SUSD6: variants seen among roughly 807,000 people sequenced by gnomAD.
The protein encoded by SUSD6 is sushi domain containing 6.
In SUSD6, 16 loss-of-function variants were observed where a neutral mutation model predicts 28.4. That is an observed-to-expected ratio of 0.56 (90% CI 0.38 to 0.86). SUSD6 has a LOEUF of 0.86. SUSD6 is among the 40% of genes least tolerant of loss of function. SUSD6 has a pLI of 0.00. For missense variants in SUSD6, 341 were observed against 384.2 expected (o/e 0.89, Z 0.94); for synonymous variants, 147 against 159.6 (o/e 0.92, Z 0.59).
chr14:69,624,567 C>T (rs1012411135), intron 1 of SUSD6, among the ~76,000 whole-genome samples: 3 of 152,036 alleles, frequency 2.0e-5, no homozygotes, highest in African/African-American at 7.3e-5. Context: ...ATTCTCCTAC[C>T]TCAGCCTCCC....
At chr14:69,626,042 AGCCAGTCT>A (rs1462762189) in intron 1 of SUSD6, among the ~76,000 whole-genome samples, 10 of 151,812 alleles carry the variant, frequency 6.6e-5, no homozygotes, top group African/African-American at 2.2e-4. Flanking sequence ...GTTGAGTTGA[AGCCAGTCT>A]TGGTGGGAAA....
intron 2 of SUSD6, among the ~76,000 whole-genome samples, chr14:69,661,940 T>C (rs1241371394): frequency 6.6e-6 from 1 of 152,064 alleles, no homozygotes; most frequent in Non-Finnish European, 1.5e-5. Context: ...GCTGGGACCA[T>C]AGGCATGCAC....
chr14:69,668,063 C>T (rs1429054696), intron 2 of SUSD6, among the ~76,000 whole-genome samples: 2 of 152,152 alleles, frequency 1.3e-5, no homozygotes, highest in Non-Finnish European at 2.9e-5. Flanking sequence ...GGAGCAAGTC[C>T]AGGGCCCAGT....
At chr14:69,637,192 G>T (rs28673317) in intron 1 of SUSD6, among the ~76,000 whole-genome samples, 377 of 152,128 alleles carry the variant, frequency 2.5e-3, no homozygotes, top group African/African-American at 8.7e-3. Context: ...GCTCTGTCTG[G>T]CTAATACCTT....
chr14:69,687,683 G>A (rs1025866085), intron 2 of SUSD6, among the ~76,000 whole-genome samples: 1 of 152,198 alleles, frequency 6.6e-6, no homozygotes, highest in African/African-American at 2.4e-5. Context: ...TTATAATAGA[G>A]AAAAATCTCT....
At chr14:69,655,451 AT>A (rs1006500838) in intron 1 of SUSD6, among the ~76,000 whole-genome samples, 56 of 152,170 alleles carry the variant, frequency 3.7e-4, no homozygotes, top group Admixed American at 7.2e-4. Flanking sequence ...GTATATGTGC[AT>A]TTTTTTGGAA....
chr14:69,703,563 C>G lies in SUSD6; in HGVS notation c.290C>G (p.Ala97Gly), dbSNP rs1886342938. 6.2e-7 allele frequency: 1 copy of G among 1,614,148 alleles called. No individual in the cohort carries two copies. The highest frequency in any genetic ancestry group is 2.2e-5 in the East Asian group (1 of 44,880). ...TGTAAGAATGGCGAGTGGAAACCAGCCATGGAGATTAGCTGCCGTCTCAAC... is the reference window on the plus strand; with the variant it reads ...TGTAAGAATGGCGAGTGGAAACCAGGCATGGAGATTAGCTGCCGTCTCAAC... ...LTCKNGEWKP[A>G]MEISCRLNED... Residue 97 changes from alanine to glycine, a missense_variant, in exon 3 of 6, where the codon GCC becomes GGC. Coordinates refer to ENST00000342745, the MANE Select transcript of SUSD6 (RefSeq NM_014734.4).
intron 2 of SUSD6, among the ~76,000 whole-genome samples, chr14:69,692,083 GCCTACATATCTTCTC>G (rs1171177794): frequency 2.0e-5 from 3 of 150,892 alleles, no homozygotes; most frequent in African/African-American, 2.4e-5. Flanking sequence ...AGCTGAAAAT[GCCTACATATCTTCTC>G]CCACTTGCAA....
At chr14:69,657,455 A>AC (rs1335840555) in intron 1 of SUSD6, among the ~76,000 whole-genome samples, 1 of 89,884 alleles carries the variant, frequency 1.1e-5, no homozygotes, top group African/African-American at 4.9e-5. Context: ...ACTGTGTCTC[A>AC]AAAAAAAAAC....
chr14:69,618,266 G>A (rs1050959586), intron 1 of SUSD6, among the ~76,000 whole-genome samples: 2 of 152,162 alleles, frequency 1.3e-5, no homozygotes, highest in South Asian at 2.1e-4. Context: ...TGTGTATTAC[G>A]TGTAAATGAA....
At chr14:69,646,542 C>T (rs1885428910) in intron 1 of SUSD6, among the ~76,000 whole-genome samples, 1 of 152,130 alleles carries the variant, frequency 6.6e-6, no homozygotes, top group South Asian at 2.1e-4. Flanking sequence ...AGTTATCCCT[C>T]AGGTACCCCA....
intron 2 of SUSD6, among the ~76,000 whole-genome samples, chr14:69,677,271 C>T (rs956538602): frequency 2.6e-5 from 4 of 152,162 alleles, no homozygotes; most frequent in Admixed American, 6.5e-5. Flanking sequence ...TTACGCCGGG[C>T]GTGGTGGCTT....
chr14:69,651,759 G>A (rs1885506858), intron 1 of SUSD6, among the ~76,000 whole-genome samples: 1 of 152,162 alleles, frequency 6.6e-6, no homozygotes, highest in African/African-American at 2.4e-5. Context: ...TGATACTGTA[G>A]CCTGGCCATT....
At position 69,711,047 on chromosome 14, in the gene SUSD6, A is replaced by G. The variant is rs1886455116; in HGVS notation, c.*68A>G. On this transcript the variant is annotated 3_prime_UTR_variant, in exon 6 of 6. Coordinates refer to ENST00000342745, the MANE Select transcript of SUSD6 (RefSeq NM_014734.4). ...CTTCCTCCCTCTCCCTGTGGGATTG[A>G]GCACCCTGTACTCTCCAGCCACCTT... The G allele has an allele frequency of 6.6e-7, 1 of 1,515,958 alleles. No individual in the cohort carries two copies. The highest frequency in any genetic ancestry group is 1.4e-5 in the African/African-American group (1 of 72,876). The allele number at this position is 1,515,958 out of a possible 1,614,324, so 93.9% of individuals were successfully genotyped here. A position where few individuals can be genotyped will look rare whatever the true frequency, so the allele number is the denominator to read the frequency against.
At chr14:69,668,781 C>T (rs1245271998) in intron 2 of SUSD6, among the ~76,000 whole-genome samples, 1 of 151,796 alleles carries the variant, frequency 6.6e-6, no homozygotes, top group Non-Finnish European at 1.5e-5. Flanking sequence ...TTGGGCGATC[C>T]CCTTGATGGT....
chr14:69,678,074 A>G (rs1301200378), intron 2 of SUSD6, among the ~76,000 whole-genome samples: 1 of 152,134 alleles, frequency 6.6e-6, no homozygotes, highest in Non-Finnish European at 1.5e-5. Context: ...CTGTATTCCT[A>G]AGAAATACAG....
chr14:69,637,469 G>T (rs77368111), intron 1 of SUSD6, among the ~76,000 whole-genome samples: 4,325 of 152,228 alleles, frequency 0.028, 79 homozygotes, highest in Middle Eastern at 0.068. Flanking sequence ...ACCAGGGTCA[G>T]CATACCCCAG....
At chr14:69,703,678 A>C in intron 3 of SUSD6, 86 bp downstream of exon 3, 1 of 1,291,040 alleles carries the variant, frequency 7.7e-7, no homozygotes. Context: ...CCTCCAGAGC[A>C]CTCTTTGCTG....
At position 69,661,978 on chromosome 14, in the gene SUSD6, T is replaced by A. The variant is rs912351440; in HGVS notation, c.121+3265T>A. Among the ~76,000 whole-genome samples the A allele has an allele frequency of 3.8e-4, 58 of 152,026 alleles. 1 individual carries two copies. Among genetic ancestry groups the A allele is most frequent in the South Asian group, 1.5e-3 (7 of 4,802 alleles). On this transcript the variant is annotated intron_variant, in intron 2 of 5. Coordinates refer to ENST00000342745, the MANE Select transcript of SUSD6 (RefSeq NM_014734.4). ...CCATGCCCAGTTAATTAAAAAAAAA[T>A]TTTTTATGTTGCCCAGGCTGATCTC...
Sources: allele counts gnomAD v4.1 joint callset (sites outside exome capture counted in the v4.1 genomes callset), GRCh38; gene constraint gnomAD v4.1.1; transcripts MANE v1.5; gene names NCBI Gene and HGNC (gene_info 2026-07-23, HGNC 2026-07-21).